GANAB: variants seen among roughly 807,000 people sequenced by gnomAD.
The protein encoded by GANAB is glucosidase II alpha subunit.
Under a neutral mutation model 129.9 loss-of-function variants are expected in GANAB, and 35 were observed. That is an observed-to-expected ratio of 0.27 (90% CI 0.21 to 0.36). The LOEUF (loss-of-function observed/expected upper bound fraction) is 0.36. Ranked by LOEUF, GANAB falls within the 10% of genes least tolerant of loss-of-function variation. The pLI is 1.00. For missense variants in GANAB, 939 were observed against 1,221.0 expected (o/e 0.77, Z 3.44); for synonymous variants, 482 against 451.8 (o/e 1.07, Z -0.85).
At chr11:62,631,300 T>C (rs924624867) in intron 9 of GANAB, 117 bp from the exon 10 acceptor site, 17 of 892,170 alleles carry the variant, frequency 1.9e-5, no homozygotes, top group South Asian at 6.0e-5. Context: ...TGTAAGCTGC[T>C]TTCGGTAAGA....
intron 1 of GANAB, among the ~76,000 whole-genome samples, chr11:62,644,008 G>C (rs1024794552): frequency 6.6e-6 from 1 of 152,136 alleles, no homozygotes; most frequent in African/African-American, 2.4e-5. Flanking sequence ...GCAATGGCAC[G>C]ATCTTGGCTC....
At position 62,626,009 on chromosome 11, in the gene GANAB, A is replaced by C. The variant is rs866625049; in HGVS notation, c.2725+56T>G. The C allele has an allele frequency of 4.0e-6, 6 of 1,499,338 alleles. No individual in the cohort carries two copies. In the Middle Eastern group the frequency reaches 1.0e-3, roughly 257 times the overall value. 92.9% of individuals were successfully genotyped at this position (1,499,338 alleles called of 1,614,324 possible). The stretch of plus-strand genomic sequence containing the variant: ...GTTCCTACAGGCAAGGGCATCCCTA[A>C]ACCTGCCCCGGCTTCCCCTCCTTCC... On this transcript the variant is annotated intron_variant, in intron 23 of 23. Coordinates refer to ENST00000356638, the MANE Select transcript of GANAB (RefSeq NM_198334.3).
Position 62,625,017 on chromosome 11 carries a change from T to C in GANAB, c.*798A>G, listed in dbSNP as rs1590786830. 3.8e-6 allele frequency: 1 copy of C among 260,702 alleles called. No homozygotes were observed. The allele number at this position is 260,702 out of a possible 1,614,324, so 16.1% of individuals were successfully genotyped here. ...TCTCCCCCCACCCTCAGGCTTCTCCTAGCAATAAATACAGGTGACCATGAT... is the reference window on the plus strand; with the variant it reads ...TCTCCCCCCACCCTCAGGCTTCTCCCAGCAATAAATACAGGTGACCATGAT... On this transcript the variant is annotated 3_prime_UTR_variant, in exon 24 of 24. Coordinates refer to ENST00000356638, the MANE Select transcript of GANAB (RefSeq NM_198334.3).
At position 62,626,463 on chromosome 11, in the gene GANAB, G is replaced by A. The variant is rs976490156; in HGVS notation, c.2512-16C>T. On this transcript the variant is annotated splice_polypyrimidine_tract_variant and intron_variant, in intron 21 of 23. Transcript: ENST00000356638. ...GAGCTGTACCCTGAGCAAGAAGTGG[G>A]ATAGGTGAGCGCCTGAGCCCAAGAG... 14 of 1,573,500 alleles carry A rather than the reference G, an allele frequency of 8.9e-6. No homozygotes were observed. The highest frequency in any genetic ancestry group is 1.1e-5 in the Non-Finnish European group (13 of 1,143,054).
chr11:62,642,131 G>C (rs1256419145), intron 1 of GANAB, among the ~76,000 whole-genome samples: 2 of 152,086 alleles, frequency 1.3e-5, no homozygotes, highest in Non-Finnish European at 2.9e-5. Context: ...AGAACTGCTT[G>C]AACCAGGAGG....
intron 5 of GANAB, 139 bp from the exon 6 acceptor site, chr11:62,633,653 G>A: frequency 2.8e-6 from 2 of 715,494 alleles, no homozygotes; most frequent in East Asian, 5.1e-5. Context: ...GTTAAAGCTT[G>A]GAGAGGGAAC....
chr11:62,639,886 G>C, intron 1 of GANAB, 155 bp from the exon 2 acceptor site: 2 of 619,416 alleles, frequency 3.2e-6, no homozygotes, highest in Non-Finnish European at 5.8e-6. Flanking sequence ...AAGGCAGAGT[G>C]GACACAGGGT....
intron 5 of GANAB, chr11:62,634,239 C>A (rs1339865417): frequency 9.8e-7 from 1 of 1,015,722 alleles, no homozygotes; most frequent in Non-Finnish European, 1.6e-6. Flanking sequence ...GGGGCACCTC[C>A]CCCCAAAGGC....
At chr11:62,639,961 C>T (rs147923859) in intron 1 of GANAB, 48 of 499,548 alleles carry the variant, frequency 9.6e-5, no homozygotes, top group East Asian at 1.4e-4. Context: ...GTAGGCTGGG[C>T]GTGGTGGCTC....
At chr11:62,627,605 A>G (rs1348322274) in intron 17 of GANAB, among the ~76,000 whole-genome samples, 1 of 152,058 alleles carries the variant, frequency 6.6e-6, no homozygotes, top group Non-Finnish European at 1.5e-5. Flanking sequence ...GGTGGCAGGC[A>G]CCTGTGATCC....
chr11:62,639,117 G>A lies in GANAB; in HGVS notation c.253-7C>T, dbSNP rs749550492. 6.2e-7 allele frequency: 1 copy of A among 1,613,532 alleles called. No homozygotes were observed. The highest frequency in any genetic ancestry group is 8.5e-7 in the Non-Finnish European group (1 of 1,179,674). ...GCTCTAGCACCAGCAACACCTGCGG[G>A]GACAGAGGTTTGGATCTGGAGAAAG... On this transcript the variant is annotated splice_polypyrimidine_tract_variant and splice_region_variant and intron_variant, in intron 3 of 23. Coordinates refer to ENST00000356638, the MANE Select transcript of GANAB (RefSeq NM_198334.3).
rs1270515202 is a variant in GANAB, at chr11:62,630,644, T to C, written c.1343A>G (p.Gln448Arg). ...CAAGCGCTCAAGCATGGTGCGGGGC[T>C]GAGGGAAGCGACTGGGGTCCCAGGT... ...YFTWDPSRFP[Q>R]PRTMLERLAS... The change falls in exon 11 of 24, where the codon CAG (glutamine) becomes CGG (arginine). Residue 448 changes from glutamine (Q) to arginine (R), a missense_variant. Physicochemically the swap from Gln to Arg is conservative, Grantham distance 43 (BLOSUM62 1). Around this residue, in one of 5 missense-constraint regions of GANAB, gnomAD observed 220 missense variants for 295.9 expected, o/e 0.74. Transcript: ENST00000356638. The C allele has an allele frequency of 4.3e-6, 7 of 1,614,202 alleles. No homozygotes were observed. The highest frequency in any genetic ancestry group is 5.9e-6 in the Non-Finnish European group (7 of 1,180,014).
Position 62,633,521 on chromosome 11 carries a change from G to A in GANAB, c.561-7C>T. On this transcript the variant is annotated splice_polypyrimidine_tract_variant and splice_region_variant and intron_variant, in intron 5 of 23. Coordinates refer to ENST00000356638, the MANE Select transcript of GANAB (RefSeq NM_198334.3). Reference sequence around the variant, plus strand: ...TGGGTCTTTTGATCCTTGCCTGGAAGGTAGGAGAGCTGTCTGCTCCAATCC... The same window carrying A: ...TGGGTCTTTTGATCCTTGCCTGGAAAGTAGGAGAGCTGTCTGCTCCAATCC... 6 of 1,613,804 alleles carry A rather than the reference G, an allele frequency of 3.7e-6. No individual in the cohort carries two copies. The highest frequency in any genetic ancestry group is 5.1e-6 in the Non-Finnish European group (6 of 1,179,778).
rs71056537 is a variant in GANAB, at chr11:62,638,580, GAGGAAGGAAGGAAGGAAGGAAGGAAGGA to G, written c.380+375_380+402del. ...TCTGAATATCTAAGGAAAAGGAAAGGAGGAAGGAAGGAAGGAAGGAAGGAAGGAAGGAAGGAAGGAAGGAAGGAAGGAA... is the reference window on the plus strand; with the variant it reads ...TCTGAATATCTAAGGAAAAGGAAAGGAGGAAGGAAGGAAGGAAGGAAGGAA... On this transcript the variant is annotated intron_variant, in intron 4 of 23. Coordinates refer to ENST00000356638, the MANE Select transcript of GANAB (RefSeq NM_198334.3). 7.7e-3 allele frequency among the ~76,000 whole-genome samples: 1,117 copies of G among 144,160 alleles called. 10 individuals carry two copies. Among genetic ancestry groups the G allele is most frequent in the South Asian group, 0.011 (48 of 4,392 alleles). The allele number at this position is 144,160 out of a possible 152,430, so 94.6% of individuals were successfully genotyped here.
chr11:62,644,377 G>A (rs926177093), intron 1 of GANAB, among the ~76,000 whole-genome samples: 4 of 152,084 alleles, frequency 2.6e-5, no homozygotes, highest in African/African-American at 9.7e-5. Flanking sequence ...GCCAGGCACA[G>A]TGGCTCACGT....
intron 4 of GANAB, among the ~76,000 whole-genome samples, chr11:62,635,540 A>G (rs1189830723): frequency 2.6e-5 from 4 of 152,146 alleles, no homozygotes; most frequent in Admixed American, 6.6e-5. Context: ...GAGAGAGGAA[A>G]GGAGAACTAT....
At chr11:62,633,827 G>A (rs747622552) in intron 5 of GANAB, 12 of 481,060 alleles carry the variant, frequency 2.5e-5, no homozygotes, top group African/African-American at 3.9e-5. Context: ...TGCCAATCCT[G>A]GCTCTGTTGC....
chr11:62,634,517 C>A, intron 5 of GANAB: 1 of 656,020 alleles, frequency 1.5e-6, no homozygotes, highest in South Asian at 1.8e-5. Context: ...TAAATAAAAA[C>A]GAAGAAAATA....
chr11:62,637,679 T>C (rs968748488), intron 4 of GANAB, among the ~76,000 whole-genome samples: 4 of 152,056 alleles, frequency 2.6e-5, no homozygotes, highest in Admixed American at 1.3e-4. Flanking sequence ...CATAATAATA[T>C]GCAGCAGTAA....
Sources: gnomAD v4.1 joint callset for allele counts (sites outside exome capture counted in the v4.1 genomes callset) on GRCh38, gnomAD v4.1.1 for gene constraint, gnomAD v4.1.1 regional missense constraint, MANE v1.5 for transcripts, NCBI Gene and HGNC (gene_info 2026-07-23, HGNC 2026-07-21) for gene names.